Variants in KCNJ3 observed in about 807,000 individuals in gnomAD.
The protein encoded by KCNJ3 is G protein-activated inward rectifier potassium channel 1.
A neutral mutation model predicts 39.2 loss-of-function variants in KCNJ3; 4 were observed. The ratio of observed to expected loss-of-function variants is 0.10; its 90% CI spans 0.05 to 0.23. The LOEUF (loss-of-function observed/expected upper bound fraction) is 0.23. Among genes scored for constraint, KCNJ3 ranks in the 10% least tolerant of loss-of-function variants. The pLI is 1.00. For synonymous variants in KCNJ3, 230 were observed against 237.4 expected, an observed-to-expected ratio of 0.97 and a Z score of 0.29; for missense variants, 276 against 634.9, an observed-to-expected ratio of 0.43 and a Z score of 6.08.
intron 2 of KCNJ3, among the ~76,000 whole-genome samples, chr2:154,808,382 G>A (rs1021230718): frequency 6.6e-6 from 1 of 151,900 alleles, no homozygotes; most frequent in African/African-American, 2.4e-5. Context: ...CACTCGGCGG[G>A]ATAAGGGCAT....
At chr2:154,780,699 C>T (rs1022017476) in intron 2 of KCNJ3, among the ~76,000 whole-genome samples, 2 of 152,116 alleles carry the variant, frequency 1.3e-5, no homozygotes, top group Non-Finnish European at 2.9e-5. Context: ...TTGTTTCATA[C>T]ATATATATCA....
intron 1 of KCNJ3, among the ~76,000 whole-genome samples, chr2:154,707,684 C>T (rs897738748): frequency 5.3e-5 from 8 of 151,994 alleles, no homozygotes; most frequent in African/African-American, 1.9e-4. Flanking sequence ...GTCAACAATG[C>T]CATGTAGTTC....
chr2:154,855,295 C>G lies in KCNJ3; in HGVS notation c.1488C>G (p.Asn496Lys). The G allele has an allele frequency of 2.5e-6, 4 of 1,603,834 alleles. No homozygotes were observed. Among genetic ancestry groups the G allele is most frequent in the Non-Finnish European group, 2.6e-6 (3 of 1,175,744 alleles). The change falls in exon 3 of 3, where the codon AAC (asparagine) becomes AAG (lysine). Residue 496 changes from asparagine (N) to lysine (K), a missense_variant. Around this residue, in one of 4 missense-constraint regions of KCNJ3, gnomAD observed 126 missense variants for 179.8 expected, o/e 0.70. Coordinates refer to ENST00000295101, the MANE Select transcript of KCNJ3 (RefSeq NM_002239.4). ...GNLPAKLRKM[N>K]SDRFT ...TTCCAGCCAAATTAAGAAAAATGAA[C>G]TCTGATCGCTTCACATAACAAAGCA... is the stretch of plus-strand genomic sequence containing the variant.
At chr2:154,852,786 A>T (rs996583926) in intron 2 of KCNJ3, among the ~76,000 whole-genome samples, 5 of 152,116 alleles carry the variant, frequency 3.3e-5, no homozygotes, top group African/African-American at 1.2e-4. Context: ...GTGTGTTTAC[A>T]CTTAATGTTT....
At position 154,857,444 on chromosome 2, in the gene KCNJ3, A is replaced by G. The variant is rs1687857746; in HGVS notation, c.*2131A>G. 1 of 152,160 alleles carries G rather than the reference A, an allele frequency of 6.6e-6. No individual in the cohort carries two copies. The highest frequency in any genetic ancestry group is 1.5e-5 in the Non-Finnish European group (1 of 68,036). 9.4% of individuals were successfully genotyped at this position (152,160 alleles called of 1,614,324 possible). On this transcript the variant is annotated 3_prime_UTR_variant, in exon 3 of 3. Transcript: ENST00000295101. The stretch of plus-strand genomic sequence containing the variant: ...AATTTTTGCATGCCTTCTATGTCGT[A>G]GGCATTTTTAGTTCCTGGGGATTTG...
chr2:154,743,660 T>C (rs1157964109), intron 2 of KCNJ3, among the ~76,000 whole-genome samples: 1 of 151,686 alleles, frequency 6.6e-6, no homozygotes, highest in Non-Finnish European at 1.5e-5. Context: ...AAAACTGATT[T>C]TTTTAATGTT....
At chr2:154,789,873 A>G (rs1686596619) in intron 2 of KCNJ3, among the ~76,000 whole-genome samples, 1 of 152,132 alleles carries the variant, frequency 6.6e-6, no homozygotes, top group Non-Finnish European at 1.5e-5. Flanking sequence ...GATTTGCAAC[A>G]AAGAGAATTT....
At chr2:154,776,967 AT>A (rs1686346934) in intron 2 of KCNJ3, among the ~76,000 whole-genome samples, 1 of 152,100 alleles carries the variant, frequency 6.6e-6, no homozygotes, top group South Asian at 2.1e-4. Flanking sequence ...GGCACACTCC[AT>A]TTCTTAATGT....
intron 2 of KCNJ3, among the ~76,000 whole-genome samples, chr2:154,778,418 TA>T (rs1686376563): frequency 6.6e-6 from 1 of 152,164 alleles, no homozygotes; most frequent in Admixed American, 6.5e-5. Context: ...CTTTCAAGAA[TA>T]AATGACAGAC....
intron 2 of KCNJ3, among the ~76,000 whole-genome samples, chr2:154,788,810 C>A (rs1177247610): frequency 6.7e-6 from 1 of 149,880 alleles, no homozygotes; most frequent in Non-Finnish European, 1.5e-5. Flanking sequence ...GTAAGAATTA[C>A]TAGCAAATAT....
At chr2:154,771,000 C>T (rs1166176321) in intron 2 of KCNJ3, among the ~76,000 whole-genome samples, 2 of 150,828 alleles carry the variant, frequency 1.3e-5, no homozygotes, top group African/African-American at 2.4e-5. Flanking sequence ...AAGTGACTCT[C>T]CTGCCTCAGC....
At chr2:154,768,165 T>C (rs1686169011) in intron 2 of KCNJ3, among the ~76,000 whole-genome samples, 1 of 152,256 alleles carries the variant, frequency 6.6e-6, no homozygotes, top group Non-Finnish European at 1.5e-5. Context: ...TGGTTTCTTT[T>C]GCTGTGCAGA....
intron 2 of KCNJ3, among the ~76,000 whole-genome samples, chr2:154,853,739 A>G (rs1687794789): frequency 6.6e-6 from 1 of 152,172 alleles, no homozygotes; most frequent in Admixed American, 6.6e-5. Flanking sequence ...ATGAATATTC[A>G]CAAGTTGACT....
At chr2:154,775,357 A>C (rs1686314978) in intron 2 of KCNJ3, among the ~76,000 whole-genome samples, 1 of 152,148 alleles carries the variant, frequency 6.6e-6, no homozygotes, top group Admixed American at 6.5e-5. Context: ...TGCTTGGTTA[A>C]TTTATTACGC....
chr2:154,769,605 T>C (rs927601466), intron 2 of KCNJ3, among the ~76,000 whole-genome samples: 8 of 152,144 alleles, frequency 5.3e-5, no homozygotes, highest in Middle Eastern at 3.4e-3. Flanking sequence ...TTTATTGAGG[T>C]TTTTGTGTCG....
chr2:154,831,267 A>G (rs895913936), intron 2 of KCNJ3, among the ~76,000 whole-genome samples: 5 of 152,158 alleles, frequency 3.3e-5, no homozygotes, highest in Non-Finnish European at 5.9e-5. Context: ...TTCAATATAC[A>G]ACACCAAATA....
intron 2 of KCNJ3, among the ~76,000 whole-genome samples, chr2:154,715,348 A>G (rs1303234964): frequency 2.0e-5 from 3 of 152,174 alleles, no homozygotes; most frequent in Non-Finnish European, 4.4e-5. Flanking sequence ...TTATTGAGAA[A>G]ATTAGGCTGC....
At chr2:154,784,625 C>T (rs985970420) in intron 2 of KCNJ3, among the ~76,000 whole-genome samples, 3 of 152,268 alleles carry the variant, frequency 2.0e-5, no homozygotes, top group African/African-American at 7.2e-5. Flanking sequence ...TCGTGATCTA[C>T]CCATCTCAGC....
chr2:154,807,779 T>G (rs954343572), intron 2 of KCNJ3, among the ~76,000 whole-genome samples: 11 of 152,234 alleles, frequency 7.2e-5, no homozygotes, highest in African/African-American at 2.6e-4. Flanking sequence ...TTGTTTAAAT[T>G]TAAACAGCTT....
Sources: gnomAD v4.1 joint callset for allele counts (sites outside exome capture counted in the v4.1 genomes callset) on GRCh38, gnomAD v4.1.1 for gene constraint, gnomAD v4.1.1 regional missense constraint, MANE v1.5 for transcripts, NCBI Gene and HGNC (gene_info 2026-07-23, HGNC 2026-07-21) for gene names.